The following NXPE2 variants were observed in gnomAD, a reference collection of about 807,000 sequenced individuals.
NXPE2 encodes neurexophilin and PC-esterase domain family member 2.
A neutral mutation model predicts 34.4 loss-of-function variants in NXPE2; 34 were observed. The observed-to-expected ratio is 0.99, with a 90% confidence interval of 0.75 to 1.31. The LOEUF is 1.31. NXPE2 is among the 40% of genes most tolerant of loss of function. The pLI, the probability that NXPE2 is intolerant of heterozygous loss-of-function variation, is 0.00. For missense variants in NXPE2, 649 were observed against 672.5 expected (o/e 0.97, Z 0.39); for synonymous variants, 235 against 231.3 (o/e 1.02, Z -0.15).
chr11:114,709,735 C>G (rs368968186), downstream of NXPE2, among the ~76,000 whole-genome samples: 11 of 152,038 alleles, frequency 7.2e-5, no homozygotes, highest in East Asian at 3.9e-4. Flanking sequence ...GAAACCCTGT[C>G]TCTACTAATC....
chr11:114,548,566 G>A, the NXPE2 span, among the ~76,000 whole-genome samples: 63 of 151,858 alleles, frequency 4.1e-4, 1 homozygote, highest in Admixed American at 4.1e-3. Context: ...AACAACTCGT[G>A]ACTCAAAGAA....
chr11:114,667,943 AT>A, the NXPE2 span, among the ~76,000 whole-genome samples: 2 of 151,970 alleles, frequency 1.3e-5, no homozygotes, highest in African/African-American at 2.4e-5. Context: ...ACAGCAGTAG[AT>A]AACTAATACA....
chr11:114,628,199 C>T, the NXPE2 span, among the ~76,000 whole-genome samples: 2 of 144,354 alleles, frequency 1.4e-5, no homozygotes, highest in African/African-American at 5.4e-5. Context: ...CTCTCCACCC[C>T]AAATCAACAG....
chr11:114,733,533 G>C, the NXPE2 span, among the ~76,000 whole-genome samples: 1 of 152,170 alleles, frequency 6.6e-6, no homozygotes, highest in Non-Finnish European at 1.5e-5. Flanking sequence ...ATACTTCAAG[G>C]AGGTATACCT....
the NXPE2 span, chr11:114,583,857 GA>G: frequency 2.5e-6 from 1 of 394,828 alleles, no homozygotes; most frequent in Non-Finnish European, 4.9e-6. Flanking sequence ...CATAAATATG[GA>G]GAGTACTTCC....
chr11:114,797,796 TTA>T, the NXPE2 span, among the ~76,000 whole-genome samples: 2 of 152,062 alleles, frequency 1.3e-5, no homozygotes, highest in Non-Finnish European at 2.9e-5. Context: ...AATGCTTATA[TTA>T]TAATACTGTG....
chr11:114,626,186 G>A, the NXPE2 span, among the ~76,000 whole-genome samples: 1 of 152,178 alleles, frequency 6.6e-6, no homozygotes, highest in African/African-American at 2.4e-5. Context: ...AGCTTAAGGA[G>A]GGCTGCCTGC....
the NXPE2 span, among the ~76,000 whole-genome samples, chr11:114,799,269 GAGA>G: frequency 7.4e-6 from 1 of 134,608 alleles, no homozygotes; most frequent in Non-Finnish European, 1.5e-5. Context: ...CCTACAAATG[GAGA>G]AGATGAGAGG....
the NXPE2 span, chr11:114,571,187 A>G: frequency 6.2e-7 from 1 of 1,613,794 alleles, no homozygotes; most frequent in Non-Finnish European, 8.5e-7. Flanking sequence ...GGCTTCTCAG[A>G]AGAAGATGCT....
At chr11:114,750,693 C>T in the NXPE2 span, among the ~76,000 whole-genome samples, 3 of 152,202 alleles carry the variant, frequency 2.0e-5, no homozygotes, top group Non-Finnish European at 2.9e-5. Context: ...ATATGATCTA[C>T]TTCCCAAGTT....
At chr11:114,692,909 T>C (rs78297178) in intron 2 of NXPE2, among the ~76,000 whole-genome samples, 14,954 of 152,184 alleles carry the variant, frequency 0.098, 876 homozygotes, top group Middle Eastern at 0.2. Context: ...CTTTCTACGC[T>C]GGCTCTTCTC....
the NXPE2 span, among the ~76,000 whole-genome samples, chr11:114,556,927 CTG>C: frequency 6.7e-6 from 1 of 149,218 alleles, no homozygotes. Flanking sequence ...GAGTCTCACT[CTG>C]TTGCCCAAGT....
chr11:114,580,422 A>G, the NXPE2 span: 2 of 1,130,672 alleles, frequency 1.8e-6, no homozygotes, highest in Non-Finnish European at 2.6e-6. Flanking sequence ...TCCTCTAAGT[A>G]TCCTAAGAGG....
intron 3 of NXPE2, among the ~76,000 whole-genome samples, chr11:114,699,638 C>G (rs774262689): frequency 2.0e-5 from 3 of 151,984 alleles, no homozygotes; most frequent in Non-Finnish European, 4.4e-5. Context: ...TTTCCATCTC[C>G]CTGAGTGAAG....
chr11:114,592,437 C>T, the NXPE2 span, among the ~76,000 whole-genome samples: 7 of 151,628 alleles, frequency 4.6e-5, no homozygotes, highest in South Asian at 6.2e-4. Context: ...CTACAAAAAC[C>T]CTAGGAATAA....
At chr11:114,569,773 A>G in the NXPE2 span, among the ~76,000 whole-genome samples, 4 of 152,310 alleles carry the variant, frequency 2.6e-5, no homozygotes, top group East Asian at 7.7e-4. Context: ...GAAATCAACT[A>G]TAAGCTAATA....
intron 2 of NXPE2, among the ~76,000 whole-genome samples, chr11:114,695,312 T>C (rs931863244): frequency 1.5e-4 from 23 of 152,178 alleles, no homozygotes; most frequent in African/African-American, 5.3e-4. Context: ...AAGCATTCTG[T>C]AGTACTGTGA....
At chr11:114,487,944 G>A in the NXPE2 span, among the ~76,000 whole-genome samples, 3 of 152,096 alleles carry the variant, frequency 2.0e-5, no homozygotes, top group Non-Finnish European at 4.4e-5. Context: ...ATGTTTATCA[G>A]TGATATTGAC....
At chr11:114,523,280 G>T in the NXPE2 span, among the ~76,000 whole-genome samples, 1 of 151,916 alleles carries the variant, frequency 6.6e-6, no homozygotes, top group Admixed American at 6.6e-5. Flanking sequence ...TCCTTTAAGA[G>T]ATTTTGAGTC....
Sources: gnomAD v4.1 joint callset for allele counts (sites outside exome capture counted in the v4.1 genomes callset) on GRCh38, gnomAD v4.1.1 for gene constraint, MANE v1.5 for transcripts, NCBI Gene and HGNC (gene_info 2026-07-23, HGNC 2026-07-21) for gene names.